USP7: variants seen among roughly 807,000 people sequenced by gnomAD.
USP7 encodes ubiquitin specific peptidase 7.
USP7 carries 9 observed loss-of-function variants against 162.9 expected under a neutral mutation model. The ratio of observed to expected loss-of-function variants is 0.06; its 90% CI spans 0.03 to 0.10. The LOEUF is 0.10. USP7 is among the 10% of genes least tolerant of loss of function. USP7 has a pLI of 1.00. For synonymous variants in USP7, 562 were observed against 475.9 expected (o/e 1.18, Z -2.35); for missense variants, 715 against 1,373.7 (o/e 0.52, Z 7.58).
chr16:8,925,214 T>A (rs1023127395), intron 2 of USP7, among the ~76,000 whole-genome samples: 2 of 152,174 alleles, frequency 1.3e-5, no homozygotes, highest in Admixed American at 1.3e-4. Flanking sequence ...ATATCCAAGA[T>A]TTGTCAAGAC....
intron 29 of USP7, 33 bp downstream of exon 29, chr16:8,894,751 C>G: frequency 1.9e-6 from 3 of 1,614,108 alleles, no homozygotes; most frequent in Non-Finnish European, 2.5e-6. Context: ...AGCCTATGGC[C>G]CGCCAAGCCC....
chr16:8,958,961 A>G (rs1435332061), intron 1 of USP7, among the ~76,000 whole-genome samples: 1 of 152,230 alleles, frequency 6.6e-6, no homozygotes, highest in Non-Finnish European at 1.5e-5. Context: ...CTTTCTGCAT[A>G]GCACCCATCT....
intron 1 of USP7, among the ~76,000 whole-genome samples, chr16:8,941,481 G>A (rs1899043206): frequency 6.6e-6 from 1 of 152,226 alleles, no homozygotes; most frequent in African/African-American, 2.4e-5. Context: ...CCGCATTTCA[G>A]CAGAGCCCAC....
chr16:8,962,541 G>A, intron 1 of USP7: 1 of 441,552 alleles, frequency 2.3e-6, no homozygotes, highest in Non-Finnish European at 4.6e-6. Context: ...ACGGTTGCAA[G>A]CGCACACCTG....
At chr16:8,945,558 A>C (rs1015452665) in intron 1 of USP7, among the ~76,000 whole-genome samples, 1 of 152,220 alleles carries the variant, frequency 6.6e-6, no homozygotes, top group Non-Finnish European at 1.5e-5. Flanking sequence ...CTAGCCATTC[A>C]TAAGAGGAAA....
chr16:8,902,297 A>C (rs1334380254), intron 17 of USP7, 84 bp downstream of exon 17: 11 of 1,579,942 alleles, frequency 7.0e-6, no homozygotes, highest in Non-Finnish European at 9.5e-6. Flanking sequence ...TAAGTGGACC[A>C]AAAGGGAAAC....
intron 2 of USP7, among the ~76,000 whole-genome samples, chr16:8,926,456 G>C (rs1247026132): frequency 2.0e-5 from 3 of 152,088 alleles, no homozygotes; most frequent in African/African-American, 7.2e-5. Flanking sequence ...TCCAGCCTGG[G>C]CAACAAGAGC....
intron 26 of USP7, among the ~76,000 whole-genome samples, chr16:8,896,102 G>T (rs933476539): frequency 6.7e-6 from 1 of 149,840 alleles, no homozygotes; most frequent in Non-Finnish European, 1.5e-5. Context: ...GCCTCCCGAA[G>T]TGCTGGGATT....
At chr16:8,948,641 T>A (rs1329863842) in intron 1 of USP7, among the ~76,000 whole-genome samples, 6 of 152,190 alleles carry the variant, frequency 3.9e-5, no homozygotes, top group Non-Finnish European at 8.8e-5. Context: ...CACGATGGAA[T>A]ATTATTCTGC....
chr16:8,911,216 G>T (rs1313829827), intron 10 of USP7, among the ~76,000 whole-genome samples: 1 of 152,204 alleles, frequency 6.6e-6, no homozygotes, highest in African/African-American at 2.4e-5. Flanking sequence ...AGAATGACAA[G>T]GAAAACCTCG....
chr16:8,960,350 A>G (rs1391343554), intron 1 of USP7, among the ~76,000 whole-genome samples: 1 of 152,222 alleles, frequency 6.6e-6, no homozygotes, highest in Non-Finnish European at 1.5e-5. Context: ...TGCTCAGGGC[A>G]TTTCAAAAAA....
chr16:8,926,773 A>AT (rs915395982), intron 2 of USP7, among the ~76,000 whole-genome samples: 4 of 152,184 alleles, frequency 2.6e-5, no homozygotes, highest in Non-Finnish European at 5.9e-5. Flanking sequence ...GCAGACCACC[A>AT]TTTCATTACC....
At chr16:8,961,778 C>A (rs992070368) in intron 1 of USP7, among the ~76,000 whole-genome samples, 1 of 152,158 alleles carries the variant, frequency 6.6e-6, no homozygotes, top group Non-Finnish European at 1.5e-5. Flanking sequence ...AAGGAATACA[C>A]AAAATTCCCT....
chr16:8,904,694 G>A, intron 14 of USP7, 129 bp from the exon 15 acceptor site: 1 of 1,382,632 alleles, frequency 7.2e-7, no homozygotes, highest in Non-Finnish European at 9.6e-7. Context: ...TGTAATCCCA[G>A]CACTTTGGGA....
At chr16:8,916,035 T>C (rs1044041775) in intron 8 of USP7, among the ~76,000 whole-genome samples, 1 of 152,172 alleles carries the variant, frequency 6.6e-6, no homozygotes, top group African/African-American at 2.4e-5. Flanking sequence ...TTATCACAAC[T>C]GGAAGAATGA....
chr16:8,931,458 A>G (rs1356057549), intron 1 of USP7, among the ~76,000 whole-genome samples: 1 of 152,226 alleles, frequency 6.6e-6, no homozygotes, highest in Non-Finnish European at 1.5e-5. Context: ...AAGTGCTGGG[A>G]TCACCCACCC....
chr16:8,961,507 G>A (rs113472188), intron 1 of USP7, among the ~76,000 whole-genome samples: 2 of 132,142 alleles, frequency 1.5e-5, no homozygotes, highest in Admixed American at 7.6e-5. Flanking sequence ...AAAAAAAAGG[G>A]GGGGGGGGGC....
At chr16:8,936,475 TA>T in intron 1 of USP7, 1 of 1,182,752 alleles carries the variant, frequency 8.5e-7, no homozygotes, top group South Asian at 1.9e-5. Flanking sequence ...ATACAATGTC[TA>T]GATGTATAGC....
intron 2 of USP7, among the ~76,000 whole-genome samples, chr16:8,928,157 C>A (rs1204141445): frequency 6.6e-6 from 1 of 152,180 alleles, no homozygotes; most frequent in Non-Finnish European, 1.5e-5. Context: ...TGTCTCCCAT[C>A]TCTTTGTCTC....
Sources: allele counts gnomAD v4.1 joint callset (sites outside exome capture counted in the v4.1 genomes callset), GRCh38; gene constraint gnomAD v4.1.1; transcripts MANE v1.5; gene names NCBI Gene and HGNC (gene_info 2026-07-23, HGNC 2026-07-21).